HPSE2: variants seen among roughly 807,000 people sequenced by gnomAD.
HPSE2 encodes the protein inactive heparanase-2.
HPSE2 carries 38 observed loss-of-function variants against 60.5 expected under a neutral mutation model. The ratio of observed to expected loss-of-function variants is 0.63; its 90% CI spans 0.48 to 0.82. HPSE2 has a LOEUF of 0.82. HPSE2 is among the 40% of genes least tolerant of loss of function. The pLI, the probability that HPSE2 is intolerant of heterozygous loss-of-function variation, is 0.00. For synonymous variants in HPSE2, 295 were observed against 293.2 expected, an observed-to-expected ratio of 1.01 and a Z score of -0.06; for missense variants, 713 against 740.4, an observed-to-expected ratio of 0.96 and a Z score of 0.43.
chr10:98,835,916 A>G (rs1475869729), intron 3 of HPSE2, among the ~76,000 whole-genome samples: 2 of 152,112 alleles, frequency 1.3e-5, no homozygotes, highest in African/African-American at 2.4e-5. Flanking sequence ...AAATCAAACC[A>G]AACCAGAATG....
At chr10:99,021,812 C>T (rs1450155101) in intron 3 of HPSE2, among the ~76,000 whole-genome samples, 2 of 97,400 alleles carry the variant, frequency 2.1e-5, no homozygotes, top group African/African-American at 2.8e-5. Context: ...AAGTTAATGA[C>T]TATCTACACC....
chr10:99,179,761 C>A (rs199506488), intron 2 of HPSE2, among the ~76,000 whole-genome samples: 3 of 150,084 alleles, frequency 2.0e-5, no homozygotes, highest in Admixed American at 6.6e-5. Context: ...AAAAAAAAAA[C>A]TTTAAACTTC....
intron 9 of HPSE2, among the ~76,000 whole-genome samples, chr10:98,563,850 T>C (rs1000590939): frequency 1.3e-5 from 2 of 152,174 alleles, no homozygotes; most frequent in Admixed American, 1.3e-4. Flanking sequence ...CCACAAATGT[T>C]ATAAGCAGGG....
chr10:98,646,040 C>A (rs921878758), intron 6 of HPSE2, among the ~76,000 whole-genome samples: 5 of 152,130 alleles, frequency 3.3e-5, no homozygotes, highest in African/African-American at 1.2e-4. Context: ...ATGCCTAAAC[C>A]TTTTTCTTAG....
At chr10:98,467,269 C>T (rs1940576052) in intron 11 of HPSE2, among the ~76,000 whole-genome samples, 1 of 152,192 alleles carries the variant, frequency 6.6e-6, no homozygotes, top group Non-Finnish European at 1.5e-5. Context: ...TCTTACTCAT[C>T]CGTCACTCTT....
intron 3 of HPSE2, among the ~76,000 whole-genome samples, chr10:98,769,578 G>A (rs950053462): frequency 7.9e-5 from 12 of 152,196 alleles, no homozygotes; most frequent in African/African-American, 2.7e-4. Context: ...AGTGCGGGGT[G>A]TGGGTGCTAA....
At position 99,032,920 on chromosome 10, in the gene HPSE2, A is replaced by G. The variant is rs189266466; in HGVS notation, c.610+111318T>C. On this transcript the variant is annotated intron_variant, in intron 3 of 11. Coordinates refer to ENST00000370552, the MANE Select transcript of HPSE2 (RefSeq NM_021828.5). ...CACTTTTAAGGATCCTTGTGATTAC[A>G]CTGGATCTACCTAGACAATCCAAAA... 5.9e-5 allele frequency among the ~76,000 whole-genome samples: 9 copies of G among 152,298 alleles called. No homozygotes were observed. In the East Asian group the frequency reaches 1.5e-3, roughly 26 times the overall value.
At chr10:98,554,144 C>T (rs945793557) in intron 9 of HPSE2, among the ~76,000 whole-genome samples, 1 of 152,178 alleles carries the variant, frequency 6.6e-6, no homozygotes, top group African/African-American at 2.4e-5. Flanking sequence ...CACCAAGGCT[C>T]AGACTCAACC....
At chr10:99,312,563 C>G in the HPSE2 span, among the ~76,000 whole-genome samples, 3 of 152,202 alleles carry the variant, frequency 2.0e-5, no homozygotes, top group African/African-American at 4.8e-5. Context: ...AGAACTACTG[C>G]TCAGAAAAAA....
intron 9 of HPSE2, among the ~76,000 whole-genome samples, chr10:98,539,351 G>A (rs1011285028): frequency 3.3e-5 from 5 of 152,164 alleles, no homozygotes; most frequent in South Asian, 4.1e-4. Context: ...GAGAAACCCC[G>A]TATCTACTAA....
intron 11 of HPSE2, among the ~76,000 whole-genome samples, chr10:98,465,005 G>C (rs796581427): frequency 6.6e-6 from 1 of 152,130 alleles, no homozygotes; most frequent in South Asian, 2.1e-4. Context: ...TTGTGAATAA[G>C]GTTTTGTGAG....
chr10:99,147,051 T>C (rs1052039620), intron 2 of HPSE2, among the ~76,000 whole-genome samples: 70 of 152,312 alleles, frequency 4.6e-4, no homozygotes, highest in African/African-American at 1.7e-3. Flanking sequence ...GTTAACTGTT[T>C]TTAAAATTGT....
At chr10:99,265,028 A>G in the HPSE2 span, among the ~76,000 whole-genome samples, 1 of 152,214 alleles carries the variant, frequency 6.6e-6, no homozygotes, top group African/African-American at 2.4e-5. Flanking sequence ...CTAAGCCATC[A>G]TATCCCCTGT....
intron 3 of HPSE2, among the ~76,000 whole-genome samples, chr10:99,032,114 C>A (rs1402147613): frequency 1.3e-5 from 2 of 152,170 alleles, no homozygotes; most frequent in Non-Finnish European, 2.9e-5. Flanking sequence ...ATAAATATGA[C>A]ATTGAAAGGC....
intron 6 of HPSE2, among the ~76,000 whole-genome samples, chr10:98,661,510 T>C (rs1947224231): frequency 6.6e-6 from 1 of 152,246 alleles, no homozygotes; most frequent in Non-Finnish European, 1.5e-5. Context: ...TATAAGTGAC[T>C]TTAAGCACAT....
At chr10:99,048,782 T>G (rs1589574382) in intron 3 of HPSE2, among the ~76,000 whole-genome samples, 1 of 152,310 alleles carries the variant, frequency 6.6e-6, no homozygotes, top group Admixed American at 6.5e-5. Flanking sequence ...TGTACTTCTA[T>G]GTTCATCACT....
intron 3 of HPSE2, among the ~76,000 whole-genome samples, chr10:99,053,064 T>C (rs1958026638): frequency 1.3e-5 from 2 of 151,410 alleles, no homozygotes; most frequent in African/African-American, 4.8e-5. Context: ...TGCCTATATA[T>C]ACTTAACACT....
At chr10:98,585,721 G>A (rs1171482477) in intron 9 of HPSE2, among the ~76,000 whole-genome samples, 3 of 151,812 alleles carry the variant, frequency 2.0e-5, no homozygotes, top group African/African-American at 7.2e-5. Flanking sequence ...GGAGGCCGAG[G>A]TGGGTGGATC....
intron 7 of HPSE2, 79 bp downstream of exon 7, chr10:98,641,768 G>T: frequency 9.4e-7 from 1 of 1,066,580 alleles, no homozygotes; most frequent in Non-Finnish European, 1.5e-6. Flanking sequence ...CAGTGCTGAT[G>T]CCCAGCTGGG....
Sources: allele counts gnomAD v4.1 joint callset (sites outside exome capture counted in the v4.1 genomes callset), GRCh38; gene constraint gnomAD v4.1.1; transcripts MANE v1.5; gene names NCBI Gene and HGNC (gene_info 2026-07-23, HGNC 2026-07-21).